Variants in ARHGEF28 observed in about 807,000 individuals in gnomAD.
ARHGEF28 encodes the protein Rho guanine nucleotide exchange factor 28.
A neutral mutation model predicts 206.6 loss-of-function variants in ARHGEF28; 152 were observed. That is an observed-to-expected ratio of 0.74 (90% CI 0.64 to 0.84). The LOEUF is 0.84. Among genes scored for constraint, ARHGEF28 ranks in the 40% least tolerant of loss-of-function variants. ARHGEF28 has a pLI of 0.00. For synonymous variants in ARHGEF28, 763 were observed against 776.4 expected (o/e 0.98, Z 0.29); for missense variants, 2,028 against 2,073.2 (o/e 0.98, Z 0.42).
At chr5:73,726,002 C>T (rs1750247013) in intron 2 of ARHGEF28, among the ~76,000 whole-genome samples, 1 of 152,176 alleles carries the variant, frequency 6.6e-6, no homozygotes, top group African/African-American at 2.4e-5. Flanking sequence ...AATTGTTAAA[C>T]TAGCAGTCAA....
chr5:73,635,919 T>C (rs1743687366), intron 1 of ARHGEF28, among the ~76,000 whole-genome samples: 1 of 152,156 alleles, frequency 6.6e-6, no homozygotes, highest in African/African-American at 2.4e-5. Context: ...GGGAGTGAAA[T>C]AGAAGTATTT....
intron 16 of ARHGEF28, among the ~76,000 whole-genome samples, chr5:73,859,366 T>C (rs1450373689): frequency 1.3e-5 from 2 of 152,288 alleles, no homozygotes; most frequent in Admixed American, 1.3e-4. Context: ...GAAGGTGGGA[T>C]GGGAGCACAA....
chr5:73,911,214 C>T, intron 34 of ARHGEF28, 61 bp from the exon 35 acceptor site: 2 of 1,414,986 alleles, frequency 1.4e-6, no homozygotes, highest in Non-Finnish European at 1.9e-6. Flanking sequence ...GGAATAAATA[C>T]TTTATGAAAC....
chr5:73,753,601 G>T (rs2112405443), intron 4 of ARHGEF28, among the ~76,000 whole-genome samples: 1 of 152,324 alleles, frequency 6.6e-6, no homozygotes, highest in South Asian at 2.1e-4. Flanking sequence ...GAAACACCTG[G>T]AAGACATGTG....
rs1476513959 is a variant in ARHGEF28, at chr5:73,753,136, G to A, written c.409G>A (p.Val137Met). 16 of 1,575,990 alleles carry A rather than the reference G, an allele frequency of 1.0e-5. No homozygotes were observed. Among genetic ancestry groups the A allele is most frequent in the South Asian group, 3.6e-5 (3 of 82,278 alleles). The change falls in exon 4 of 36, where the codon GTG (valine) becomes ATG (methionine). Residue 137 changes from valine (V) to methionine (M), a missense_variant. By Grantham distance (21) the Val-to-Met change is conservative. Transcript: ENST00000513042. ...ACTGCCTGCCTTGGATGAGGAGCTC[G>A]TGCTGGCTCTGACCCATCTGGAATT... is the stretch of plus-strand genomic sequence containing the variant. ...GALPALDEEL[V>M]LALTHLELPL...
chr5:73,847,069 A>G (rs1561453175), intron 12 of ARHGEF28, among the ~76,000 whole-genome samples: 1 of 152,178 alleles, frequency 6.6e-6, no homozygotes. Flanking sequence ...AAAACTAAAT[A>G]CATTGCTCTG....
intron 22 of ARHGEF28, among the ~76,000 whole-genome samples, chr5:73,875,658 A>G (rs1250072711): frequency 1.3e-5 from 2 of 151,872 alleles, no homozygotes; most frequent in African/African-American, 4.8e-5. Context: ...TTTTCCCAGC[A>G]CCATTTATTA....
intron 9 of ARHGEF28, among the ~76,000 whole-genome samples, chr5:73,827,748 G>A (rs970071501): frequency 6.6e-6 from 1 of 152,156 alleles, no homozygotes; most frequent in East Asian, 1.9e-4. Flanking sequence ...TGAAATATAT[G>A]CTTACCAAAT....
At chr5:73,755,307 G>T (rs1434033159) in intron 4 of ARHGEF28, among the ~76,000 whole-genome samples, 1 of 144,086 alleles carries the variant, frequency 6.9e-6, no homozygotes, top group African/African-American at 2.5e-5. Context: ...ATATTGGAAG[G>T]TGTTTTTTTG....
At chr5:73,692,592 G>C (rs575294590) in intron 2 of ARHGEF28, among the ~76,000 whole-genome samples, 3 of 152,294 alleles carry the variant, frequency 2.0e-5, no homozygotes, top group African/African-American at 7.2e-5. Flanking sequence ...CTGATGTCTA[G>C]AGGTAGTGGG....
At chr5:73,637,767 A>G (rs1022124367) in intron 1 of ARHGEF28, among the ~76,000 whole-genome samples, 5 of 152,236 alleles carry the variant, frequency 3.3e-5, no homozygotes, top group Non-Finnish European at 2.9e-5. Context: ...GCTTAGAGGT[A>G]GCTCTTGAGG....
rs17634878 is a variant in ARHGEF28 at position 73,911,168 on chromosome 5, A to G, written c.4648-107A>G. The G allele has an allele frequency of 0.038, 43,878 of 1,147,316 alleles. 942 individuals carry two copies. The highest frequency in any genetic ancestry group is 0.06 in the South Asian group (3,638 of 60,958). The allele number at this position is 1,147,316 out of a possible 1,614,324, so 71.1% of individuals were successfully genotyped here. ...GAAAAGAAGTGGTAATCTTGACCTC[A>G]CTTTTACTGAAATCTTGATTCCTAA... On this transcript the variant is annotated intron_variant, in intron 34 of 35. Transcript: ENST00000513042.
intron 1 of ARHGEF28, among the ~76,000 whole-genome samples, chr5:73,680,672 A>G (rs55672859): frequency 0.059 from 9,043 of 152,070 alleles, 933 homozygotes; most frequent in African/African-American, 0.21. Context: ...GAAGTAAAAA[A>G]TAAAAATTAA....
rs375138797 is a variant in ARHGEF28, at chr5:73,904,166, G to A, written c.4075-56G>A. 79 of 1,580,770 alleles carry A rather than the reference G, an allele frequency of 5.0e-5. No homozygotes were observed. The African/African-American group carries it at 9.3e-4, about 19-fold the overall frequency. ...GGTCATACATTTTGGGACACTGCAG[G>A]GCAGCTTTTCAGAAGTAGAATGGTT... On this transcript the variant is annotated intron_variant, in intron 31 of 35. Coordinates refer to ENST00000513042, the MANE Select transcript of ARHGEF28 (RefSeq NM_001177693.2).
chr5:73,776,546 C>A lies in ARHGEF28; in HGVS notation c.690C>A (p.Ser230=). 6.2e-7 allele frequency: 1 copy of A among 1,612,572 alleles called. No individual in the cohort carries two copies. Among genetic ancestry groups the A allele is most frequent in the Admixed American group, 1.7e-5 (1 of 59,982 alleles). The change falls in exon 6 of 36, where the codon TCC becomes TCA. Residue 230 remains serine (S), a synonymous_variant. Coordinates refer to ENST00000513042, the MANE Select transcript of ARHGEF28 (RefSeq NM_001177693.2). ...AGGGCAGATGGTCCCCAAGCTTCTC[C>A]CGAGTGCAGCTCAGTGAAGAAGCCT... ...NFQGRWSPSF[S]RVQLSEEASL... is the part of the protein sequence containing the mutation.
chr5:73,812,941 A>G (rs1386317851), intron 9 of ARHGEF28, among the ~76,000 whole-genome samples: 1 of 152,156 alleles, frequency 6.6e-6, no homozygotes, highest in Non-Finnish European at 1.5e-5. Context: ...GGATTGTTAA[A>G]TGAATTATGA....
intron 2 of ARHGEF28, among the ~76,000 whole-genome samples, chr5:73,697,030 C>G (rs1748257880): frequency 6.6e-6 from 1 of 152,154 alleles, no homozygotes; most frequent in Non-Finnish European, 1.5e-5. Context: ...GTTTGGGGAA[C>G]ATGTCTCAGA....
intron 6 of ARHGEF28, among the ~76,000 whole-genome samples, chr5:73,779,770 G>A (rs1753729169): frequency 1.3e-5 from 2 of 152,190 alleles, no homozygotes; most frequent in African/African-American, 4.8e-5. Flanking sequence ...AGTGGGGCTG[G>A]GGTGAATTTA....
At chr5:73,702,013 T>A (rs1748635060) in intron 2 of ARHGEF28, among the ~76,000 whole-genome samples, 1 of 152,240 alleles carries the variant, frequency 6.6e-6, no homozygotes, top group Non-Finnish European at 1.5e-5. Flanking sequence ...GTTCTTGGGA[T>A]AAACGTCCAG....
Sources: gnomAD v4.1 joint callset for allele counts (sites outside exome capture counted in the v4.1 genomes callset) on GRCh38, gnomAD v4.1.1 for gene constraint, MANE v1.5 for transcripts, NCBI Gene and HGNC (gene_info 2026-07-23, HGNC 2026-07-21) for gene names.